Variants in MARCHF1 observed in about 807,000 individuals in gnomAD.
MARCHF1 encodes the protein E3 ubiquitin-protein ligase MARCHF1.
Under a neutral mutation model 54.2 loss-of-function variants are expected in MARCHF1, and 40 were observed. The observed-to-expected ratio is 0.74, with a 90% confidence interval of 0.57 to 0.96. The LOEUF is 0.96. Ranked by LOEUF, MARCHF1 falls within the 40% of genes least tolerant of loss-of-function variation. The pLI, the probability that MARCHF1 is intolerant of heterozygous loss-of-function variation, is 0.00. For missense variants in MARCHF1, 586 were observed against 656.5 expected (o/e 0.89, Z 1.17); for synonymous variants, 236 against 236.3 (o/e 1.00, Z 0.01).
At chr4:164,189,131 A>G in intron 1 of MARCHF1, 1 of 643,746 alleles carries the variant, frequency 1.6e-6, no homozygotes, top group Admixed American at 2.4e-5. Context: ...GGAGATACTC[A>G]TCTGCGTGCA....
At chr4:164,124,080 A>G (rs1756130979) in intron 1 of MARCHF1, among the ~76,000 whole-genome samples, 2 of 151,486 alleles carry the variant, frequency 1.3e-5, no homozygotes, top group South Asian at 4.1e-4. Context: ...ATCTGATCAA[A>G]AATGGGCAAA....
intron 4 of MARCHF1, among the ~76,000 whole-genome samples, chr4:163,728,217 C>T (rs937633061): frequency 6.6e-6 from 1 of 152,080 alleles, no homozygotes; most frequent in African/African-American, 2.4e-5. Flanking sequence ...TTATCACCCC[C>T]TTTTTTTATT....
intron 3 of MARCHF1, among the ~76,000 whole-genome samples, chr4:163,877,189 G>C (rs1379119693): frequency 6.6e-6 from 1 of 152,118 alleles, no homozygotes; most frequent in Non-Finnish European, 1.5e-5. Context: ...GTTATCACTT[G>C]TGATATCAAG....
intron 1 of MARCHF1, chr4:164,188,868 A>C: frequency 1.3e-6 from 1 of 779,950 alleles, no homozygotes; most frequent in South Asian, 1.3e-5. Flanking sequence ...TTGAGAAAGA[A>C]GTTTACCCAT....
In MARCHF1 at chr4:164,383,073, A is replaced by G. The variant is rs1578918564; in HGVS notation, c.-323+797T>C. On this transcript the variant is annotated intron_variant, in intron 1 of 9. Transcript: ENST00000514618. Reference sequence around the variant, plus strand: ...AGAGTGAGTCTCCCTTAACTTTGCCATTTCCCTCACACCATTTGGGGATAA... The same window carrying G: ...AGAGTGAGTCTCCCTTAACTTTGCCGTTTCCCTCACACCATTTGGGGATAA... The G allele has an allele frequency of 3.3e-5, 5 of 152,256 alleles. No homozygotes were observed. In the South Asian group the frequency reaches 1.0e-3, roughly 32 times the overall value. The allele number at this position is 152,256 out of a possible 1,614,324, so 9.4% of individuals were successfully genotyped here. A position where few individuals can be genotyped will look rare whatever the true frequency, so the allele number is the denominator to read the frequency against.
chr4:163,788,985 C>T (rs1010546537), intron 4 of MARCHF1, among the ~76,000 whole-genome samples: 1 of 152,024 alleles, frequency 6.6e-6, no homozygotes, highest in Non-Finnish European at 1.5e-5. Flanking sequence ...TTTTAGCATT[C>T]ATCGCAGATC....
At chr4:163,997,701 A>G (rs1753104383) in intron 2 of MARCHF1, among the ~76,000 whole-genome samples, 1 of 152,002 alleles carries the variant, frequency 6.6e-6, no homozygotes, top group African/African-American at 2.4e-5. Flanking sequence ...GCTAAAGAGC[A>G]GTCCATATGA....
chr4:164,373,021 A>G (rs1731080244), intron 1 of MARCHF1, among the ~76,000 whole-genome samples: 1 of 152,218 alleles, frequency 6.6e-6, no homozygotes, highest in Non-Finnish European at 1.5e-5. Flanking sequence ...TCTTATAAAA[A>G]TGAAACCATG....
intron 4 of MARCHF1, among the ~76,000 whole-genome samples, chr4:163,775,080 C>G (rs931309974): frequency 3.3e-5 from 5 of 152,190 alleles, no homozygotes; most frequent in Non-Finnish European, 5.9e-5. Flanking sequence ...TCAGCTAACT[C>G]TCACTTCAGC....
At chr4:163,639,107 T>C (rs541804246) in intron 5 of MARCHF1, among the ~76,000 whole-genome samples, 2 of 152,256 alleles carry the variant, frequency 1.3e-5, no homozygotes, top group South Asian at 4.1e-4. Flanking sequence ...TGCTGGAATT[T>C]GATTACACAA....
At chr4:163,638,545 A>G (rs190019410) in intron 5 of MARCHF1, among the ~76,000 whole-genome samples, 2 of 152,234 alleles carry the variant, frequency 1.3e-5, no homozygotes, top group Non-Finnish European at 2.9e-5. Flanking sequence ...TTCCTCTACA[A>G]TCTGGAGAAC....
At chr4:164,259,859 C>A (rs569338562) in intron 1 of MARCHF1, among the ~76,000 whole-genome samples, 1 of 152,280 alleles carries the variant, frequency 6.6e-6, no homozygotes, top group East Asian at 1.9e-4. Context: ...TGTCTTTCTG[C>A]AATTTGCATA....
At chr4:163,545,936 C>G (rs1249935573) in intron 8 of MARCHF1, among the ~76,000 whole-genome samples, 193 bp from the exon 9 acceptor site, 1 of 145,696 alleles carries the variant, frequency 6.9e-6, no homozygotes, top group Admixed American at 7.1e-5. Context: ...TTACATATAA[C>G]TTAAATACAT....
chr4:164,233,221 A>T (rs912588779), intron 1 of MARCHF1, among the ~76,000 whole-genome samples: 1 of 149,938 alleles, frequency 6.7e-6, no homozygotes, highest in Admixed American at 6.9e-5. Context: ...CAACTCTCAT[A>T]ACTGGGTTTC....
chr4:163,782,580 G>A (rs986174955), intron 4 of MARCHF1, among the ~76,000 whole-genome samples: 1 of 145,986 alleles, frequency 6.8e-6, no homozygotes, highest in Non-Finnish European at 1.5e-5. Context: ...TGAGGAAGGA[G>A]AATCACTTGA....
rs540952537 is a variant in MARCHF1 at position 163,856,264 on chromosome 4, T to C, written c.-38-2095A>G. Among the ~76,000 whole-genome samples, 45 of 152,354 alleles carry C rather than the reference T, an allele frequency of 3.0e-4. 1 individual carries two copies. Among genetic ancestry groups the C allele is most frequent in the Middle Eastern group, 6.8e-3 (2 of 294 alleles). On this transcript the variant is annotated intron_variant, in intron 3 of 9. Transcript: ENST00000514618. ...ATTGCATATAACTGTCATTATCTTATTTTAGGATTATTAGCTAGGCTAAAT... is the reference window on the plus strand; with the variant it reads ...ATTGCATATAACTGTCATTATCTTACTTTAGGATTATTAGCTAGGCTAAAT...
chr4:164,165,508 C>T (rs1252680016), intron 1 of MARCHF1, among the ~76,000 whole-genome samples: 1 of 151,924 alleles, frequency 6.6e-6, no homozygotes, highest in Admixed American at 6.6e-5. Context: ...ATTCTACCCT[C>T]CAAAATTATG....
At chr4:163,634,025 A>C (rs780159315) in intron 5 of MARCHF1, among the ~76,000 whole-genome samples, 164 of 152,230 alleles carry the variant, frequency 1.1e-3, no homozygotes, top group Non-Finnish European at 1.8e-3. Context: ...GTAATAAAAT[A>C]CTTTACAGAC....
intron 5 of MARCHF1, among the ~76,000 whole-genome samples, chr4:163,681,979 C>T (rs930705456): frequency 7.9e-5 from 12 of 152,140 alleles, no homozygotes; most frequent in Non-Finnish European, 1.8e-4. Context: ...GCTCAAAAGA[C>T]AGGAAGATGT....
Sources: allele counts gnomAD v4.1 joint callset (sites outside exome capture counted in the v4.1 genomes callset), GRCh38; gene constraint gnomAD v4.1.1; transcripts MANE v1.5; gene names NCBI Gene and HGNC (gene_info 2026-07-23, HGNC 2026-07-21).